The following PCDHGB3 variants were observed in gnomAD, a reference collection of about 807,000 sequenced individuals.
PCDHGB3 encodes the protein protocadherin gamma subfamily B, 3, also known as protocadherin gamma-B3.
In PCDHGB3, 40 loss-of-function variants were observed where a neutral mutation model predicts 59.2. The ratio of observed to expected loss-of-function variants is 0.68; its 90% CI spans 0.52 to 0.88. The LOEUF (loss-of-function observed/expected upper bound fraction) is 0.88. PCDHGB3 is among the 40% of genes least tolerant of loss of function. The pLI is 0.00. For synonymous variants in PCDHGB3, 581 were observed against 503.6 expected (o/e 1.15, Z -2.06); for missense variants, 1,309 against 1,187.9 (o/e 1.10, Z -1.50).
At chr5:141,434,119 C>T (rs2097673106) in intron 1 of PCDHGB3, among the ~76,000 whole-genome samples, 1 of 152,180 alleles carries the variant, frequency 6.6e-6, no homozygotes, top group Non-Finnish European at 1.5e-5. Flanking sequence ...GCCTTTGGGA[C>T]TCCCTTTAGG....
chr5:141,374,907 G>T (rs778308894), intron 1 of PCDHGB3: 1 of 1,613,828 alleles, frequency 6.2e-7, no homozygotes, highest in Non-Finnish European at 8.5e-7. Flanking sequence ...GGAGTCCACG[G>T]GGAAGTAACT....
Position 141,385,070 on chromosome 5 carries a change from T to C in PCDHGB3, c.2415+12261T>C, listed in dbSNP as rs766950021. 28 of 1,614,094 alleles carry C rather than the reference T, an allele frequency of 1.7e-5. No individual in the cohort carries two copies. In the South Asian group the frequency reaches 3.0e-4, roughly 17 times the overall value. ...CTGCGGCGCTGGCACAAGTCACGCC[T>C]GCTGCAGGCTTCAGAAGGTGGCTTG... On this transcript the variant is annotated intron_variant, in intron 1 of 3. Coordinates refer to ENST00000576222, the MANE Select transcript of PCDHGB3 (RefSeq NM_018924.5).
intron 2 of PCDHGB3, among the ~76,000 whole-genome samples, chr5:141,504,748 T>A (rs979724181): frequency 7.2e-5 from 11 of 151,880 alleles, no homozygotes; most frequent in Non-Finnish European, 1.3e-4. Context: ...CCATTGAATT[T>A]TAGAAATTTC....
At chr5:141,413,352 G>T in intron 1 of PCDHGB3, 11 of 1,613,976 alleles carry the variant, frequency 6.8e-6, no homozygotes, top group Non-Finnish European at 9.3e-6. Flanking sequence ...TGGGTCTGGC[G>T]CCCCGGGAGC....
chr5:141,399,597 C>T, intron 1 of PCDHGB3: 1 of 1,613,958 alleles, frequency 6.2e-7, no homozygotes, highest in Non-Finnish European at 8.5e-7. Flanking sequence ...TCATGGCCAG[C>T]GACCTAGAGC....
chr5:141,470,130 A>G (rs915991313), intron 1 of PCDHGB3, among the ~76,000 whole-genome samples: 4 of 151,534 alleles, frequency 2.6e-5, no homozygotes, highest in African/African-American at 4.9e-5. Flanking sequence ...CTTCGTCTCA[A>G]AAAAAAAGAT....
chr5:141,504,561 T>G (rs1023434942), intron 2 of PCDHGB3, among the ~76,000 whole-genome samples: 1 of 150,052 alleles, frequency 6.7e-6, no homozygotes, highest in Non-Finnish European at 1.5e-5. Context: ...GGGACTGGCA[T>G]TCTAGGGAAC....
At chr5:141,427,416 G>T (rs1457696807) in intron 1 of PCDHGB3, 2 of 466,124 alleles carry the variant, frequency 4.3e-6, no homozygotes, top group South Asian at 3.1e-5. Flanking sequence ...GAGAGAAAAT[G>T]GGGAGGTTAC....
intron 3 of PCDHGB3, among the ~76,000 whole-genome samples, chr5:141,509,504 C>T (rs534951697): frequency 4.7e-4 from 72 of 152,246 alleles, no homozygotes; most frequent in Non-Finnish European, 8.4e-4. Flanking sequence ...CTGGATGTGA[C>T]GGTGTTGATG....
intron 1 of PCDHGB3, among the ~76,000 whole-genome samples, chr5:141,451,364 C>T (rs970149151): frequency 3.9e-5 from 6 of 152,078 alleles, no homozygotes; most frequent in Middle Eastern, 3.2e-3. Context: ...AGGATGGATC[C>T]GCTTCTAATC....
At position 141,489,786 on chromosome 5, in the gene PCDHGB3, G is replaced by A. The variant is rs758119518; in HGVS notation, c.2416-5021G>A. 8.7e-6 allele frequency: 14 copies of A among 1,614,194 alleles called. No individual in the cohort carries two copies. Among genetic ancestry groups the A allele is most frequent in the Non-Finnish European group, 1.2e-5 (14 of 1,180,014 alleles). ...CCAACAGCCACTTCTCTCTGAATGTGAAGACCCTAAAAGATGGGAAGCCAT... is the reference window on the plus strand; with the variant it reads ...CCAACAGCCACTTCTCTCTGAATGTAAAGACCCTAAAAGATGGGAAGCCAT... On this transcript the variant is annotated intron_variant, in intron 1 of 3. Transcript: ENST00000576222. This position sits in a 1 kb window ranked among gnomAD's most constrained non-coding sequence, Gnocchi z 4.5.
In PCDHGB3 at chr5:141,487,761, C is replaced by T. The variant is rs1331182183; in HGVS notation, c.2416-7046C>T. Reference sequence around the variant, plus strand: ...GTAAGAGGTAACTATGTGGTAGACGCTGTGCTTTGTAACTGTTTCGTGAAT... The same window carrying T: ...GTAAGAGGTAACTATGTGGTAGACGTTGTGCTTTGTAACTGTTTCGTGAAT... On this transcript the variant is annotated intron_variant, in intron 1 of 3. Coordinates refer to ENST00000576222, the MANE Select transcript of PCDHGB3 (RefSeq NM_018924.5). The surrounding 1 kb of genome is among the most constrained non-coding windows in gnomAD (Gnocchi z 5.0). 3.2e-6 allele frequency: 5 copies of T among 1,545,926 alleles called. No individual in the cohort carries two copies. Among genetic ancestry groups the T allele is most frequent in the South Asian group, 1.2e-5 (1 of 83,534 alleles).
intron 1 of PCDHGB3, chr5:141,398,834 A>T: frequency 6.2e-7 from 1 of 1,614,014 alleles, no homozygotes; most frequent in Non-Finnish European, 8.5e-7. Context: ...ACCGACGCCA[A>T]TGATAATCCC....
At chr5:141,382,104 A>G (rs1777948509) in intron 1 of PCDHGB3, among the ~76,000 whole-genome samples, 1 of 152,108 alleles carries the variant, frequency 6.6e-6, no homozygotes, top group Non-Finnish European at 1.5e-5. Context: ...GTGGGATTAC[A>G]GGCGTGAGCA....
At position 141,431,389 on chromosome 5, in the gene PCDHGB3, G is replaced by A; in HGVS notation, c.2415+58580G>A. 2 of 1,613,876 alleles carry A rather than the reference G, an allele frequency of 1.2e-6. No individual in the cohort carries two copies. The highest frequency in any genetic ancestry group is 1.7e-6 in the Non-Finnish European group (2 of 1,180,040). ...GCGAAGAAAAGGCTGCTCACCACCT[G>A]GTCCTTACGGCCTCCGACGGGGGCG... On this transcript the variant is annotated intron_variant, in intron 1 of 3. Coordinates refer to ENST00000576222, the MANE Select transcript of PCDHGB3 (RefSeq NM_018924.5). This position sits in a 1 kb window ranked among gnomAD's most constrained non-coding sequence, Gnocchi z 4.8.
In PCDHGB3 at chr5:141,419,702, G is replaced by A. The variant is rs116279995; in HGVS notation, c.2415+46893G>A. 1.9e-3 allele frequency: 3,028 copies of A among 1,612,950 alleles called. 48 individuals are homozygous for A. In the African/African-American group the frequency reaches 0.033, roughly 18 times the overall value. The stretch of plus-strand genomic sequence containing the variant: ...CCACGTGGTGCAGGCCAGTGAGCCC[G>A]GGCTCTTCAGCCTGGGGCTGCGAAC... On this transcript the variant is annotated intron_variant, in intron 1 of 3. Transcript: ENST00000576222.
chr5:141,405,698 G>C (rs1274236930), intron 1 of PCDHGB3, among the ~76,000 whole-genome samples: 1 of 152,128 alleles, frequency 6.6e-6, no homozygotes, highest in Non-Finnish European at 1.5e-5. Flanking sequence ...GGCTGGTCTT[G>C]AATTCCTAAC....
chr5:141,404,244 C>A (rs1164182551), intron 1 of PCDHGB3: 2 of 1,613,758 alleles, frequency 1.2e-6, no homozygotes, highest in East Asian at 2.2e-5. Context: ...GGAACTCCGC[C>A]CCTGTCCACA....
At chr5:141,389,172 C>G (rs1276294939) in intron 1 of PCDHGB3, 1 of 1,614,036 alleles carries the variant, frequency 6.2e-7, no homozygotes, top group Non-Finnish European at 8.5e-7. Flanking sequence ...CAAGCCTCCC[C>G]TCTCCTCCAG....
Sources: allele counts gnomAD v4.1 joint callset (sites outside exome capture counted in the v4.1 genomes callset), GRCh38; gene constraint gnomAD v4.1.1; non-coding constraint Gnocchi (gnomAD v3.1); transcripts MANE v1.5; gene names NCBI Gene and HGNC (gene_info 2026-07-23, HGNC 2026-07-21).